The following FOXP1 variants were observed in gnomAD, a reference collection of about 807,000 sequenced individuals.
FOXP1 encodes the protein forkhead box P1.
In FOXP1, 15 loss-of-function variants were observed where a neutral mutation model predicts 98.2. The ratio of observed to expected loss-of-function variants is 0.15; its 90% CI spans 0.10 to 0.24. The LOEUF is 0.24. FOXP1 is among the 10% of genes least tolerant of loss of function. FOXP1 has a pLI of 1.00. For missense variants in FOXP1, 633 were observed against 848.5 expected (o/e 0.75, Z 3.15); for synonymous variants, 371 against 314.5 (o/e 1.18, Z -1.90).
intron 12 of FOXP1, 90 bp downstream of exon 12, chr3:71,015,459 C>A: frequency 1.2e-6 from 1 of 815,698 alleles, no homozygotes; most frequent in Non-Finnish European, 2.1e-6. Context: ...AGGTGAAACT[C>A]TCCATCAAAA....
chr3:71,062,682 T>G (rs1454626981), intron 7 of FOXP1, among the ~76,000 whole-genome samples: 3 of 152,218 alleles, frequency 2.0e-5, no homozygotes, highest in Admixed American at 1.3e-4. Context: ...ATTAGATAAT[T>G]GACATGTTAT....
rs1343049708 is a variant in FOXP1, at chr3:71,349,462, C to A, written c.-73+9688G>T. Among the ~76,000 whole-genome samples the A allele has an allele frequency of 2.0e-5, 3 of 152,086 alleles. No individual in the cohort carries two copies. In the East Asian group the frequency reaches 5.8e-4, roughly 29 times the overall value. ...CAGAGTTAACAGACTGCCTAATTAA[C>A]CAAGTCATCATTTGCCAAGATCCAA... On this transcript the variant is annotated intron_variant, in intron 4 of 20. Coordinates refer to ENST00000649528, the MANE Select transcript of FOXP1 (RefSeq NM_001349338.3).
chr3:70,998,426 T>C (rs1313901748), intron 13 of FOXP1, among the ~76,000 whole-genome samples: 1 of 152,214 alleles, frequency 6.6e-6, no homozygotes, highest in Non-Finnish European at 1.5e-5. Context: ...TTGTGAGATT[T>C]GGCCTGGGGT....
chr3:71,411,524 G>A (rs951443451), intron 3 of FOXP1, among the ~76,000 whole-genome samples: 2 of 152,178 alleles, frequency 1.3e-5, no homozygotes, highest in African/African-American at 2.4e-5. Flanking sequence ...GGGTTTCACC[G>A]TGTTAGCCAG....
At chr3:71,077,836 A>ATT (rs34917871) in intron 7 of FOXP1, among the ~76,000 whole-genome samples, 77 of 145,630 alleles carry the variant, frequency 5.3e-4, no homozygotes, top group South Asian at 1.5e-3. Context: ...CTGTGCATAT[A>ATT]TTTTTTTTTT....
intron 3 of FOXP1, among the ~76,000 whole-genome samples, chr3:71,462,457 T>G (rs1294493232): frequency 1.7e-4 from 26 of 152,114 alleles, no homozygotes; most frequent in Admixed American, 1.6e-3. Flanking sequence ...AGAGGTACAC[T>G]CAGCCTCACA....
chr3:71,470,432 T>C (rs776190843), intron 3 of FOXP1, among the ~76,000 whole-genome samples: 4 of 152,208 alleles, frequency 2.6e-5, no homozygotes, highest in African/African-American at 9.6e-5. Flanking sequence ...CAAATCCTAA[T>C]GGCTTTCCTT....
chr3:71,131,302 C>T (rs1575922031), intron 6 of FOXP1, among the ~76,000 whole-genome samples: 1 of 149,340 alleles, frequency 6.7e-6, no homozygotes, highest in African/African-American at 2.5e-5. Flanking sequence ...CTTCCGTCAC[C>T]GGAGTAATTC....
chr3:70,976,852 G>C, intron 17 of FOXP1, 89 bp downstream of exon 17: 5 of 919,066 alleles, frequency 5.4e-6, no homozygotes, highest in Non-Finnish European at 9.0e-6. Context: ...TATAAATGTA[G>C]CTTCCTTATA....
At chr3:71,559,925 A>G (rs951847977) in intron 2 of FOXP1, among the ~76,000 whole-genome samples, 1 of 152,192 alleles carries the variant, frequency 6.6e-6, no homozygotes, top group East Asian at 1.9e-4. Flanking sequence ...ATGGGGAAGG[A>G]AAAACTTCTA....
At chr3:71,300,826 AG>A (rs1186670807) in intron 4 of FOXP1, among the ~76,000 whole-genome samples, 2 of 152,230 alleles carry the variant, frequency 1.3e-5, no homozygotes, top group East Asian at 3.8e-4. Context: ...CTCACTCTTC[AG>A]AATAGCATGT....
At chr3:71,365,203 T>G (rs978826832) in intron 3 of FOXP1, among the ~76,000 whole-genome samples, 1 of 152,194 alleles carries the variant, frequency 6.6e-6, no homozygotes, top group African/African-American at 2.4e-5. Context: ...TGAAATAGAC[T>G]CTGGTCAGCA....
intron 7 of FOXP1, among the ~76,000 whole-genome samples, chr3:71,081,704 A>G (rs1260917629): frequency 6.6e-6 from 1 of 152,230 alleles, no homozygotes; most frequent in Non-Finnish European, 1.5e-5. Flanking sequence ...ATTATGAATG[A>G]AAAATACAAC....
At chr3:71,012,466 TC>T (rs1342397005) in intron 12 of FOXP1, among the ~76,000 whole-genome samples, 42 of 152,334 alleles carry the variant, frequency 2.8e-4, no homozygotes, top group Middle Eastern at 3.4e-3. Flanking sequence ...TCGTGATTGT[TC>T]ACATCTAGAA....
chr3:70,958,127 T>TA lies in FOXP1; in HGVS notation c.*1119_*1120insT, dbSNP rs2032264705. On this transcript the variant is annotated 3_prime_UTR_variant, in exon 21 of 21. Coordinates refer to ENST00000649528, the MANE Select transcript of FOXP1 (RefSeq NM_001349338.3). ...TCAGTCTAATTAATATGAGCTTTTT[T>TA]TTTTTTTTCAGTGCTGCCTATGTTT... 6.2e-6 allele frequency: 2 copies of TA among 323,456 alleles called. No homozygotes were observed. The highest frequency in any genetic ancestry group is 1.2e-5 in the Non-Finnish European group (2 of 168,908). 20.0% of individuals were successfully genotyped at this position (323,456 alleles called of 1,614,324 possible).
chr3:71,416,547 AACAC>A (rs55710900), intron 3 of FOXP1, among the ~76,000 whole-genome samples: 4,480 of 136,766 alleles, frequency 0.033, 182 homozygotes, highest in East Asian at 0.1. Flanking sequence ...TCTGTCTCAA[AACAC>A]ACACACACAC....
At chr3:71,463,872 G>A (rs1012101980) in intron 3 of FOXP1, among the ~76,000 whole-genome samples, 1 of 152,116 alleles carries the variant, frequency 6.6e-6, no homozygotes, top group Non-Finnish European at 1.5e-5. Context: ...TGGCCAAGAG[G>A]AAGACACTGG....
At chr3:71,253,604 TTTCTC>T (rs375537217) in intron 5 of FOXP1, among the ~76,000 whole-genome samples, 60 of 152,318 alleles carry the variant, frequency 3.9e-4, no homozygotes, top group African/African-American at 1.4e-3. Context: ...ATTTACTCCT[TTTCTC>T]TTCTCTCTCC....
At chr3:71,450,802 C>T (rs2086880121) in intron 3 of FOXP1, among the ~76,000 whole-genome samples, 1 of 84,690 alleles carries the variant, frequency 1.2e-5, no homozygotes, top group African/African-American at 3.7e-5. Context: ...TTTTTGAAGA[C>T]CTAATTATAT....
Sources: allele counts gnomAD v4.1 joint callset (sites outside exome capture counted in the v4.1 genomes callset), GRCh38; gene constraint gnomAD v4.1.1; transcripts MANE v1.5; gene names NCBI Gene and HGNC (gene_info 2026-07-23, HGNC 2026-07-21).